The following FOXP2 variants were observed in gnomAD, a reference collection of about 807,000 sequenced individuals.
FOXP2 encodes forkhead box protein P2.
In FOXP2, 12 loss-of-function variants were observed where a neutral mutation model predicts 115.8. That is an observed-to-expected ratio of 0.10 (90% CI 0.07 to 0.17). The LOEUF is 0.17. Among genes scored for constraint, FOXP2 ranks in the 10% least tolerant of loss-of-function variants. The pLI is 1.00. For missense variants in FOXP2, 629 were observed against 843.5 expected (o/e 0.75, Z 3.15); for synonymous variants, 328 against 297.7 (o/e 1.10, Z -1.05).
At chr7:114,400,365 A>T (rs1052749196) in intron 2 of FOXP2, among the ~76,000 whole-genome samples, 2 of 152,138 alleles carry the variant, frequency 1.3e-5, no homozygotes, top group African/African-American at 4.8e-5. Flanking sequence ...ATGTAATTTA[A>T]TCTTTTGACT....
Position 114,691,204 on chromosome 7 carries a change from A to C in FOXP2, c.*1278A>C, listed in dbSNP as rs571422640. Reference sequence around the variant, plus strand: ...TTTTCAGTGGTGAATACATGTTGTTAGAAGATGTCTTGTATGGTCTTAATC... The same window carrying C: ...TTTTCAGTGGTGAATACATGTTGTTCGAAGATGTCTTGTATGGTCTTAATC... On this transcript the variant is annotated 3_prime_UTR_variant, in exon 17 of 17. Coordinates refer to ENST00000350908, the MANE Select transcript of FOXP2 (RefSeq NM_014491.4). 2.2e-6 allele frequency: 1 copy of C among 454,058 alleles called. No homozygotes were observed. The highest frequency in any genetic ancestry group is 1.6e-5 in the South Asian group (1 of 64,466). The allele number at this position is 454,058 out of a possible 1,614,324, so 28.1% of individuals were successfully genotyped here.
chr7:114,630,059 T>G (rs1804818275), intron 5 of FOXP2, 54 bp downstream of exon 5: 1 of 1,601,550 alleles, frequency 6.2e-7, no homozygotes, highest in South Asian at 1.1e-5. Flanking sequence ...AGAAGGGGCT[T>G]TGAGCGGCAA....
chr7:114,282,270 A>G (rs1796359116), intron 1 of FOXP2, among the ~76,000 whole-genome samples: 1 of 152,174 alleles, frequency 6.6e-6, no homozygotes, highest in African/African-American at 2.4e-5. Flanking sequence ...CAAAACTACA[A>G]ATTATGTTTT....
intron 2 of FOXP2, among the ~76,000 whole-genome samples, chr7:114,394,400 C>T (rs1354199673): frequency 6.6e-6 from 1 of 151,290 alleles, no homozygotes; most frequent in Non-Finnish European, 1.5e-5. Flanking sequence ...TCTATACACA[C>T]ACACACACAC....
intron 2 of FOXP2, among the ~76,000 whole-genome samples, chr7:114,329,361 T>C (rs1285551471): frequency 1.3e-5 from 2 of 151,426 alleles, no homozygotes; most frequent in Non-Finnish European, 2.9e-5. Flanking sequence ...CTACTAAAAA[T>C]AGAAAAAATT....
At chr7:114,534,596 A>G in intron 2 of FOXP2, 21 bp from the exon 3 acceptor site, 1 of 1,599,476 alleles carries the variant, frequency 6.3e-7, no homozygotes, top group Non-Finnish European at 8.6e-7. Flanking sequence ...TATTTAGATA[A>G]GGTTTCATTT....
chr7:114,659,580 G>A lies in FOXP2; in HGVS notation c.1554G>A (p.Met518Ile), dbSNP rs1806765638. The change falls in exon 13 of 17, where the codon ATG (methionine) becomes ATA (isoleucine). Residue 518 changes from methionine to isoleucine, a missense_variant. Coordinates refer to ENST00000350908, the MANE Select transcript of FOXP2 (RefSeq NM_014491.4). The stretch of plus-strand genomic sequence containing the variant: ...ATCTTGTCTCATTTCAGGCTATCAT[G>A]GAGTCATCTGACAGGCAGTTAACAC... ...TYATLIRQAI[M>I]ESSDRQLTLN... The A allele has an allele frequency of 1.8e-5, 29 of 1,613,288 alleles. No homozygotes were observed. Among genetic ancestry groups the A allele is most frequent in the Non-Finnish European group, 2.5e-5 (29 of 1,179,414 alleles).
At chr7:114,258,368 T>A (rs933860773) in intron 1 of FOXP2, among the ~76,000 whole-genome samples, 1 of 152,190 alleles carries the variant, frequency 6.6e-6, no homozygotes, top group South Asian at 2.1e-4. Flanking sequence ...GAAGAGATGG[T>A]TAGGAGTTGA....
In FOXP2 at chr7:114,663,436, ATT is replaced by A; in HGVS notation, c.1770-5_1770-4del. ...TTTGACGTATAAATGATCTTTATAT[ATT>A]TTTTTTTTCAGAAGTCCAACCTTAG... is the stretch of plus-strand genomic sequence containing the variant. On this transcript the variant is annotated splice_polypyrimidine_tract_variant and intron_variant, in intron 14 of 16. Transcript: ENST00000350908. 1 of 1,409,062 alleles carries A rather than the reference ATT, an allele frequency of 7.1e-7. No homozygotes were observed. The highest frequency in any genetic ancestry group is 9.9e-7 in the Non-Finnish European group (1 of 1,009,278). The allele number at this position is 1,409,062 out of a possible 1,614,324, so 87.3% of individuals were successfully genotyped here. A position where few individuals can be genotyped will look rare whatever the true frequency, so the allele number is the denominator to read the frequency against.
intron 2 of FOXP2, among the ~76,000 whole-genome samples, chr7:114,295,167 A>G (rs1796712181): frequency 1.3e-5 from 2 of 152,200 alleles, no homozygotes; most frequent in African/African-American, 4.8e-5. Flanking sequence ...CTGCTTTTCA[A>G]TTCAACTGAA....
intron 2 of FOXP2, among the ~76,000 whole-genome samples, chr7:114,359,195 G>C (rs1791687688): frequency 1.3e-5 from 2 of 152,166 alleles, no homozygotes. Context: ...TGCTTCAGAG[G>C]GTGCAAGCCC....
intron 1 of FOXP2, among the ~76,000 whole-genome samples, chr7:114,146,394 A>C (rs1792369985): frequency 6.6e-6 from 1 of 152,158 alleles, no homozygotes; most frequent in Admixed American, 6.5e-5. Flanking sequence ...TTATTTTCTT[A>C]GCTTGGAAGA....
At position 114,657,303 on chromosome 7, in the gene FOXP2, C is replaced by A. The variant is rs12537198; in HGVS notation, c.1267-763C>A. On this transcript the variant is annotated intron_variant, in intron 10 of 16. Transcript: ENST00000350908. ...TTTTTCTTTTTTCTACCCTGACACC[C>A]ACTTTCCAGGGTACATCAGCATTAA... Among the ~76,000 whole-genome samples, 5,185 of 152,192 alleles carry A rather than the reference C, an allele frequency of 0.034. 444 individuals are homozygous for A. In the East Asian group the frequency reaches 0.35, roughly 10 times the overall value.
At chr7:114,238,672 T>A (rs1795072492) in intron 1 of FOXP2, among the ~76,000 whole-genome samples, 1 of 151,814 alleles carries the variant, frequency 6.6e-6, no homozygotes, top group Non-Finnish European at 1.5e-5. Context: ...CTAAGGAGGC[T>A]GAGGGAGGAT....
intron 2 of FOXP2, among the ~76,000 whole-genome samples, chr7:114,361,520 C>T (rs1791744552): frequency 6.6e-6 from 1 of 152,028 alleles, no homozygotes; most frequent in Non-Finnish European, 1.5e-5. Context: ...TGTCTTAGCT[C>T]TGTGCCTAAG....
intron 1 of FOXP2, among the ~76,000 whole-genome samples, chr7:114,119,797 A>G (rs763393934): frequency 2.0e-5 from 3 of 152,110 alleles, no homozygotes; most frequent in South Asian, 4.1e-4. Flanking sequence ...AGACCCAATC[A>G]TCTTTATCGG....
chr7:114,351,843 G>GA (rs1463201741), intron 2 of FOXP2, among the ~76,000 whole-genome samples: 4 of 151,970 alleles, frequency 2.6e-5, no homozygotes, highest in Non-Finnish European at 5.9e-5. Context: ...CCATGTCTTT[G>GA]AAAAAATGAT....
At chr7:114,355,675 A>G (rs1196399194) in intron 2 of FOXP2, among the ~76,000 whole-genome samples, 1 of 152,172 alleles carries the variant, frequency 6.6e-6, no homozygotes, top group Admixed American at 6.6e-5. Context: ...TTGAATTTAT[A>G]TACCATCTGG....
At chr7:114,215,753 C>T (rs536707793) in intron 1 of FOXP2, among the ~76,000 whole-genome samples, 6 of 151,878 alleles carry the variant, frequency 4.0e-5, no homozygotes, top group Admixed American at 3.9e-4. Context: ...TACGAATAGA[C>T]GGTCTTACAG....
Sources: gnomAD v4.1 joint callset for allele counts (sites outside exome capture counted in the v4.1 genomes callset) on GRCh38, gnomAD v4.1.1 for gene constraint, MANE v1.5 for transcripts, NCBI Gene and HGNC (gene_info 2026-07-23, HGNC 2026-07-21) for gene names.